KCNH7: variants seen among roughly 807,000 people sequenced by gnomAD.
KCNH7 encodes the protein voltage-gated inwardly rectifying potassium channel KCNH7.
A neutral mutation model predicts 120.8 loss-of-function variants in KCNH7; 49 were observed. The ratio of observed to expected loss-of-function variants is 0.41; its 90% CI spans 0.32 to 0.51. KCNH7 has a LOEUF of 0.51. KCNH7 is among the 20% of genes least tolerant of loss of function. The pLI is 0.38. For missense variants in KCNH7, 1,097 were observed against 1,446.6 expected, an observed-to-expected ratio of 0.76 and a Z score of 3.92; for synonymous variants, 547 against 516.1, an observed-to-expected ratio of 1.06 and a Z score of -0.81.
At chr2:162,496,835 T>C (rs1315137922) in intron 6 of KCNH7, 1 of 152,220 alleles carries the variant, frequency 6.6e-6, no homozygotes, top group Non-Finnish European at 1.5e-5. Flanking sequence ...TTTGTTGTTG[T>C]ATCTGAAAGA....
intron 2 of KCNH7, among the ~76,000 whole-genome samples, chr2:162,687,702 T>C (rs13392789): frequency 0.1 from 15,401 of 152,120 alleles, 2,447 homozygotes; most frequent in African/African-American, 0.33. Context: ...ACACCACTGG[T>C]AAAGACCCAC....
chr2:162,406,217 G>T (rs1218952274), intron 9 of KCNH7, among the ~76,000 whole-genome samples: 1 of 151,310 alleles, frequency 6.6e-6, no homozygotes, highest in African/African-American at 2.4e-5. Context: ...TTTTTTAAAC[G>T]CCAGAACAAG....
At chr2:162,632,309 A>C (rs1683800768) in intron 2 of KCNH7, among the ~76,000 whole-genome samples, 1 of 152,004 alleles carries the variant, frequency 6.6e-6, no homozygotes, top group African/African-American at 2.4e-5. Context: ...ATTATAAAGG[A>C]AGGTGTATGC....
At chr2:162,484,228 CACACACACACACACACACACAGAGAG>C (rs778740458) in intron 6 of KCNH7, among the ~76,000 whole-genome samples, 9 of 150,004 alleles carry the variant, frequency 6.0e-5, no homozygotes, top group Non-Finnish European at 1.0e-4. Context: ...TCAACACACA[CACACACACACACACACACACAGAGAG>C]ACACACACAC....
At chr2:162,539,749 T>G in intron 2 of KCNH7, among the ~76,000 whole-genome samples, 1 of 152,220 alleles carries the variant, frequency 6.6e-6, no homozygotes, top group South Asian at 2.1e-4. Flanking sequence ...AGCAATATAT[T>G]TCCTCTCAAG....
chr2:162,535,865 C>G (rs1692086184), intron 3 of KCNH7, among the ~76,000 whole-genome samples: 1 of 151,764 alleles, frequency 6.6e-6, no homozygotes, highest in African/African-American at 2.4e-5. Flanking sequence ...GATTCAAGCA[C>G]ATATGGAAGT....
intron 2 of KCNH7, among the ~76,000 whole-genome samples, chr2:162,661,212 C>G (rs1253667307): frequency 6.6e-6 from 1 of 152,158 alleles, no homozygotes; most frequent in Non-Finnish European, 1.5e-5. Flanking sequence ...TCTGTCAATG[C>G]AAACTCTTTG....
intron 3 of KCNH7, chr2:162,528,098 C>A (rs981918211): frequency 7.2e-5 from 11 of 151,772 alleles, no homozygotes; most frequent in African/African-American, 2.4e-4. Flanking sequence ...CTGAGTAATG[C>A]CCATTCAGTA....
intron 8 of KCNH7, among the ~76,000 whole-genome samples, chr2:162,427,347 T>C (rs1687899736): frequency 6.6e-6 from 1 of 152,116 alleles, no homozygotes; most frequent in African/African-American, 2.4e-5. Flanking sequence ...ATGAAAATAC[T>C]ATTTGTTCCA....
At chr2:162,546,260 G>A (rs1414647015) in intron 2 of KCNH7, among the ~76,000 whole-genome samples, 1 of 152,070 alleles carries the variant, frequency 6.6e-6, no homozygotes, top group African/African-American at 2.4e-5. Flanking sequence ...GGCAAACCAA[G>A]TCTACATTTA....
intron 2 of KCNH7, among the ~76,000 whole-genome samples, chr2:162,613,374 A>ATATATATAATCAAAG (rs1683032370): frequency 1.3e-5 from 2 of 152,026 alleles, no homozygotes; most frequent in Admixed American, 1.3e-4. Context: ...ATTCAAAGGA[A>ATATATATAATCAAAG]GAATATATAT....
At chr2:162,447,544 A>T (rs1558950114) in intron 6 of KCNH7, among the ~76,000 whole-genome samples, 1 of 152,088 alleles carries the variant, frequency 6.6e-6, no homozygotes, top group Non-Finnish European at 1.5e-5. Context: ...CACATATACA[A>T]TGGCTCTATT....
chr2:162,442,992 T>G (rs1688474006), intron 7 of KCNH7, among the ~76,000 whole-genome samples: 2 of 152,242 alleles, frequency 1.3e-5, no homozygotes, highest in Admixed American at 6.5e-5. Flanking sequence ...TATGAACATA[T>G]GAAAGCCCTC....
intron 7 of KCNH7, among the ~76,000 whole-genome samples, chr2:162,442,011 T>C (rs1217039605): frequency 1.4e-4 from 13 of 95,260 alleles, no homozygotes; most frequent in African/African-American, 6.8e-4. Context: ...TTTTTTTTTT[T>C]TTTTTTTTTT....
chr2:162,670,227 C>T (rs1574245768), intron 2 of KCNH7, among the ~76,000 whole-genome samples: 1 of 151,872 alleles, frequency 6.6e-6, no homozygotes, highest in African/African-American at 2.4e-5. Flanking sequence ...AATTGCAGCA[C>T]TTTGGGAGAC....
intron 5 of KCNH7, among the ~76,000 whole-genome samples, chr2:162,511,285 T>A (rs905714379): frequency 4.0e-5 from 6 of 151,700 alleles, no homozygotes; most frequent in African/African-American, 1.4e-4. Context: ...TAGGTTCATT[T>A]ATCACTACAT....
chr2:162,791,285 T>C (rs115091164), intron 2 of KCNH7, among the ~76,000 whole-genome samples: 2,424 of 152,198 alleles, frequency 0.016, 59 homozygotes, highest in African/African-American at 0.051. Flanking sequence ...TTCTTATGAA[T>C]TTTAAAAATA....
At chr2:162,755,465 C>G (rs926338361) in intron 2 of KCNH7, among the ~76,000 whole-genome samples, 3 of 152,040 alleles carry the variant, frequency 2.0e-5, no homozygotes, top group Non-Finnish European at 4.4e-5. Flanking sequence ...GAGCAAGACT[C>G]CATCTCAAAA....
chr2:162,636,367 G>T (rs775866162), intron 2 of KCNH7, among the ~76,000 whole-genome samples: 2 of 152,072 alleles, frequency 1.3e-5, no homozygotes, highest in Non-Finnish European at 2.9e-5. Context: ...CATTGTATCT[G>T]TTGCCAAGTG....
Sources: gnomAD v4.1 joint callset for allele counts (sites outside exome capture counted in the v4.1 genomes callset) on GRCh38, gnomAD v4.1.1 for gene constraint, MANE v1.5 for transcripts, NCBI Gene and HGNC (gene_info 2026-07-23, HGNC 2026-07-21) for gene names.